PHLDB2: variants seen among roughly 807,000 people sequenced by gnomAD.
PHLDB2 encodes the protein pleckstrin homology-like domain family B member 2.
In PHLDB2, 71 loss-of-function variants were observed where a neutral mutation model predicts 123.6. The observed-to-expected ratio is 0.57, with a 90% CI of 0.47 to 0.70. PHLDB2 has a LOEUF of 0.70. PHLDB2 is among the 30% of genes least tolerant of loss of function. The probability of loss-of-function intolerance (pLI) is 0.00; values close to 1 mark genes in which losing one functional copy is unlikely to be tolerated. For synonymous variants in PHLDB2, 547 were observed against 541.6 expected, an observed-to-expected ratio of 1.01 and a Z score of -0.14; for missense variants, 1,446 against 1,519.5, an observed-to-expected ratio of 0.95 and a Z score of 0.80.
chr3:111,956,927 C>T (rs2071093625), intron 12 of PHLDB2: 1 of 152,212 alleles, frequency 6.6e-6, no homozygotes, highest in South Asian at 2.1e-4. Context: ...TTTTCACTAA[C>T]TCACATTTAG....
intron 1 of PHLDB2, among the ~76,000 whole-genome samples, chr3:111,762,565 T>C (rs1230228914): frequency 6.6e-6 from 1 of 152,128 alleles, no homozygotes; most frequent in Non-Finnish European, 1.5e-5. Flanking sequence ...TGTGATCTGA[T>C]CCAGACCTTC....
chr3:111,810,520 G>A (rs979922593), intron 1 of PHLDB2, among the ~76,000 whole-genome samples: 1 of 152,068 alleles, frequency 6.6e-6, no homozygotes, highest in Non-Finnish European at 1.5e-5. Context: ...GCATGTATGT[G>A]AAGAGAGGGC....
chr3:111,765,285 C>G (rs2060060596), intron 1 of PHLDB2, among the ~76,000 whole-genome samples: 1 of 152,250 alleles, frequency 6.6e-6, no homozygotes, highest in Admixed American at 6.5e-5. Flanking sequence ...AATGGATGGA[C>G]CCAAACACCA....
At chr3:111,926,590 GT>G (rs5851804) in intron 5 of PHLDB2, among the ~76,000 whole-genome samples, 112,471 of 146,826 alleles carry the variant, frequency 0.77, 45,230 homozygotes, top group East Asian at 0.9. Flanking sequence ...TGACTTTCTA[GT>G]TTTTTTTTTT....
At chr3:111,948,037 A>G (rs1053130287) in intron 9 of PHLDB2, among the ~76,000 whole-genome samples, 6 of 152,178 alleles carry the variant, frequency 3.9e-5, no homozygotes, top group Non-Finnish European at 1.5e-5. Flanking sequence ...ATTACTTTCC[A>G]TGAAAATTGA....
intron 1 of PHLDB2, among the ~76,000 whole-genome samples, chr3:111,822,622 A>C (rs2062455368): frequency 6.6e-6 from 1 of 152,172 alleles, no homozygotes; most frequent in Non-Finnish European, 1.5e-5. Context: ...AATCAAAATC[A>C]GATACAGCAC....
At chr3:111,764,705 A>G (rs2060050886) in intron 1 of PHLDB2, among the ~76,000 whole-genome samples, 1 of 152,218 alleles carries the variant, frequency 6.6e-6, no homozygotes, top group Non-Finnish European at 1.5e-5. Context: ...TCCAGGGGGC[A>G]CTGTTTCCAT....
chr3:111,757,585 T>C (rs776405207), intron 1 of PHLDB2, among the ~76,000 whole-genome samples: 1 of 152,252 alleles, frequency 6.6e-6, no homozygotes, highest in Non-Finnish European at 1.5e-5. Flanking sequence ...TCAAAGTCAT[T>C]CTCCATCCAG....
chr3:111,773,802 T>C (rs2060219886), intron 1 of PHLDB2, among the ~76,000 whole-genome samples: 1 of 152,228 alleles, frequency 6.6e-6, no homozygotes, highest in African/African-American at 2.4e-5. Flanking sequence ...AGGTTTAATA[T>C]GAGGCCAGGT....
intron 1 of PHLDB2, among the ~76,000 whole-genome samples, chr3:111,785,183 A>G (rs1374871249): frequency 6.6e-6 from 1 of 152,112 alleles, no homozygotes; most frequent in Non-Finnish European, 1.5e-5. Flanking sequence ...GCTTGTTTGA[A>G]CATTTCATCA....
chr3:111,914,956 A>G (rs1308998641), intron 3 of PHLDB2: 2 of 152,096 alleles, frequency 1.3e-5, no homozygotes, highest in African/African-American at 4.8e-5. Context: ...TTTTTTCTAC[A>G]ACAATTTAGG....
chr3:111,736,633 A>G (rs1387968105), intron 1 of PHLDB2, among the ~76,000 whole-genome samples: 1 of 152,212 alleles, frequency 6.6e-6, no homozygotes, highest in Non-Finnish European at 1.5e-5. Flanking sequence ...CTTTTTATTT[A>G]AATTTTCAGA....
chr3:111,785,022 A>AT (rs1447692948), intron 1 of PHLDB2, among the ~76,000 whole-genome samples: 1 of 152,164 alleles, frequency 6.6e-6, no homozygotes, highest in African/African-American at 2.4e-5. Context: ...TTGATCATAT[A>AT]TTTCCAAATT....
At chr3:111,906,141 C>A (rs897913250) in intron 2 of PHLDB2, among the ~76,000 whole-genome samples, 1 of 152,120 alleles carries the variant, frequency 6.6e-6, no homozygotes, top group Non-Finnish European at 1.5e-5. Context: ...GTAGCCTAGG[C>A]GCAATAAACT....
At chr3:111,896,425 A>G (rs540288462) in intron 2 of PHLDB2, among the ~76,000 whole-genome samples, 4 of 150,174 alleles carry the variant, frequency 2.7e-5, no homozygotes, top group South Asian at 4.2e-4. Context: ...GCTCACTGCA[A>G]CCTCCGCCTC....
At chr3:111,906,430 A>C (rs547818782) in intron 2 of PHLDB2, among the ~76,000 whole-genome samples, 35 of 152,320 alleles carry the variant, frequency 2.3e-4, no homozygotes, top group Admixed American at 2.3e-3. Context: ...CAGAACCCAG[A>C]TTCAGACCTA....
At position 111,962,090 on chromosome 3, in the gene PHLDB2, T is replaced by G; in HGVS notation, c.2873-18T>G. The G allele has an allele frequency of 1.3e-6, 2 of 1,573,962 alleles. No homozygotes were observed. ...TGAAAAATGAGGCAAACTAACATAT[T>G]TATGGCTCCTTCCTTAGGTTATAAT... On this transcript the variant is annotated intron_variant, in intron 12 of 17. Coordinates refer to ENST00000431670, the MANE Select transcript of PHLDB2 (RefSeq NM_001134438.2).
At chr3:111,801,379 C>A (rs112259068) in intron 1 of PHLDB2, among the ~76,000 whole-genome samples, 1 of 152,286 alleles carries the variant, frequency 6.6e-6, no homozygotes, top group African/African-American at 2.4e-5. Context: ...GAACTCAGGT[C>A]TCCTTTGGAT....
At chr3:111,960,084 C>A in intron 12 of PHLDB2, 1 of 644,570 alleles carries the variant, frequency 1.6e-6, no homozygotes, top group South Asian at 7.1e-5. Flanking sequence ...GTGAGCTTTT[C>A]AAATAATTTC....
Sources: gnomAD v4.1 joint callset for allele counts (sites outside exome capture counted in the v4.1 genomes callset) on GRCh38, gnomAD v4.1.1 for gene constraint, MANE v1.5 for transcripts, NCBI Gene and HGNC (gene_info 2026-07-23, HGNC 2026-07-21) for gene names.